COL4A5: variants seen among roughly 807,000 people sequenced by gnomAD.
COL4A5 encodes the protein collagen type IV alpha 5 chain, also known as collagen alpha-5(IV) chain.
A neutral mutation model predicts 130.2 loss-of-function variants in COL4A5; 26 were observed. The observed-to-expected ratio is 0.20, with a 90% CI of 0.15 to 0.28. The LOEUF is 0.28. Ranked by LOEUF, COL4A5 falls within the 10% of genes least tolerant of loss-of-function variation. The pLI, the probability that COL4A5 is intolerant of heterozygous loss-of-function variation, is 1.00. For synonymous variants in COL4A5, 496 were observed against 439.6 expected, an observed-to-expected ratio of 1.13 and a Z score of -1.60; for missense variants, 1,131 against 1,344.3, an observed-to-expected ratio of 0.84 and a Z score of 2.48.
At chrX:108,679,836 G>A (rs1462532988) in intron 44 of COL4A5, among the ~76,000 whole-genome samples, 2 of 111,646 alleles carry the variant, frequency 1.8e-5, no homozygotes, top group Non-Finnish European at 3.8e-5. Context: ...TAAAATAATA[G>A]TTACCTTTCA....
At chrX:108,578,159 T>G (rs950308140) in intron 12 of COL4A5, 40 bp downstream of exon 12, 1 of 1,189,216 alleles carries the variant, frequency 8.4e-7, no homozygotes, top group Non-Finnish European at 1.1e-6. Context: ...GCCCTCAGCT[T>G]TCTCTTTTTG....
At chrX:108,441,421 C>T (rs886569926) in intron 1 of COL4A5, among the ~76,000 whole-genome samples, 1 of 112,095 alleles carries the variant, frequency 8.9e-6, no homozygotes, top group Non-Finnish European at 1.9e-5. Flanking sequence ...TAGCACTTAG[C>T]ATGCCTCAAA....
intron 28 of COL4A5, among the ~76,000 whole-genome samples, chrX:108,605,370 C>G (rs1230650126): frequency 1.8e-5 from 2 of 111,386 alleles, no homozygotes; most frequent in African/African-American, 6.5e-5. Context: ...GAGAGAGATG[C>G]GGGGAAAATG....
intron 36 of COL4A5, among the ~76,000 whole-genome samples, chrX:108,649,641 A>C: frequency 9.0e-6 from 1 of 111,637 alleles, no homozygotes; most frequent in African/African-American, 3.3e-5. Context: ...AAAGCAAACA[A>C]AAACATAAAA....
chrX:108,526,717 CTT>C (rs1385259710), intron 1 of COL4A5, among the ~76,000 whole-genome samples: 3 of 86,197 alleles, frequency 3.5e-5, no homozygotes, highest in African/African-American at 1.3e-4. Flanking sequence ...TTCTTTCTTT[CTT>C]TCTTTCTTCC....
intron 1 of COL4A5, among the ~76,000 whole-genome samples, chrX:108,524,228 G>T (rs1324730114): frequency 1.8e-5 from 2 of 111,932 alleles, no homozygotes; most frequent in African/African-American, 6.5e-5. Flanking sequence ...TGACAGAGTG[G>T]ACATTCTTGT....
chrX:108,632,708 T>C (rs1191441998), intron 36 of COL4A5, among the ~76,000 whole-genome samples: 1 of 111,072 alleles, frequency 9.0e-6, no homozygotes, highest in Non-Finnish European at 1.9e-5. Context: ...ATCCATCACA[T>C]AAACAAAACC....
intron 49 of COL4A5, among the ~76,000 whole-genome samples, chrX:108,687,967 G>A (rs978019042): frequency 8.9e-6 from 1 of 112,189 alleles, no homozygotes; most frequent in Non-Finnish European, 1.9e-5. Context: ...CTTTTAGTTA[G>A]ATTAGTTATT....
chrX:108,521,551 G>A (rs746068948), intron 1 of COL4A5, among the ~76,000 whole-genome samples: 1 of 111,243 alleles, frequency 9.0e-6, no homozygotes, highest in Non-Finnish European at 1.9e-5. Context: ...CTATTGCACT[G>A]CATGTGAAGG....
At chrX:108,445,151 C>T (rs1338476720) in intron 1 of COL4A5, among the ~76,000 whole-genome samples, 1 of 111,148 alleles carries the variant, frequency 9.0e-6, no homozygotes, top group Non-Finnish European at 1.9e-5. Flanking sequence ...TTTCTTACTA[C>T]ATCAACTCTC....
chrX:108,518,034 T>A (rs1308227425), intron 1 of COL4A5, among the ~76,000 whole-genome samples: 4 of 111,238 alleles, frequency 3.6e-5, no homozygotes, highest in Non-Finnish European at 7.6e-5. Context: ...AAAATAAAGT[T>A]ATCAAATTTC....
chrX:108,614,290 C>G (rs2066887124), intron 29 of COL4A5, among the ~76,000 whole-genome samples: 2 of 111,783 alleles, frequency 1.8e-5, no homozygotes, highest in African/African-American at 3.3e-5. Context: ...CTACAGCGCA[C>G]AGGGGCTTTT....
At chrX:108,546,794 G>A (rs2065664632) in intron 2 of COL4A5, among the ~76,000 whole-genome samples, 1 of 111,521 alleles carries the variant, frequency 9.0e-6, no homozygotes, top group Non-Finnish European at 1.9e-5. Context: ...ATTTCTTGGA[G>A]GCTTTGTTCG....
intron 29 of COL4A5, among the ~76,000 whole-genome samples, chrX:108,610,264 G>A (rs1467398549): frequency 1.8e-5 from 2 of 110,424 alleles, no homozygotes; most frequent in Non-Finnish European, 3.8e-5. Flanking sequence ...CAATGTTTTG[G>A]CTCCTAGTGA....
chrX:108,470,865 C>T (rs1257164252), intron 1 of COL4A5, among the ~76,000 whole-genome samples: 1 of 111,723 alleles, frequency 9.0e-6, no homozygotes, highest in Non-Finnish European at 1.9e-5. Context: ...CTTCATATGG[C>T]TAGTCAGTTA....
At chrX:108,580,257 A>T (rs1201750101) in intron 13 of COL4A5, among the ~76,000 whole-genome samples, 1 of 110,429 alleles carries the variant, frequency 9.1e-6, no homozygotes, top group African/African-American at 3.3e-5. Flanking sequence ...GCCTCCCTCT[A>T]CTCTTAGTAG....
At chrX:108,488,576 C>G (rs1255786496) in intron 1 of COL4A5, among the ~76,000 whole-genome samples, 1 of 111,863 alleles carries the variant, frequency 8.9e-6, no homozygotes, top group African/African-American at 3.2e-5. Context: ...TTTTCCTAAC[C>G]CTCACCAACA....
At chrX:108,524,557 GCT>G (rs1160345811) in intron 1 of COL4A5, among the ~76,000 whole-genome samples, 1 of 109,130 alleles carries the variant, frequency 9.2e-6, no homozygotes, top group African/African-American at 3.3e-5. Context: ...GGGTTACTTC[GCT>G]CTCTTTTTCT....
intron 50 of COL4A5, among the ~76,000 whole-genome samples, chrX:108,693,215 TATA>T (rs2068664651): frequency 9.0e-6 from 1 of 111,456 alleles, no homozygotes; most frequent in Admixed American, 9.6e-5. Flanking sequence ...CTATAATAGA[TATA>T]ATAAAAATGT....
Sources: gnomAD v4.1 joint callset for allele counts (sites outside exome capture counted in the v4.1 genomes callset) on GRCh38, gnomAD v4.1.1 for gene constraint, MANE v1.5 for transcripts, NCBI Gene and HGNC (gene_info 2026-07-23, HGNC 2026-07-21) for gene names.